Variants in PCNT observed in about 807,000 individuals in gnomAD.
PCNT encodes the protein pericentrin.
In PCNT, 319 loss-of-function variants were observed where a neutral mutation model predicts 380.4. The observed-to-expected ratio is 0.84, with a 90% CI of 0.77 to 0.92. The LOEUF (loss-of-function observed/expected upper bound fraction) is 0.92. Among genes scored for constraint, PCNT ranks in the 40% least tolerant of loss-of-function variants. The pLI is 0.00. For missense variants in PCNT, 4,400 were observed against 4,255.3 expected (o/e 1.03, Z -0.95); for synonymous variants, 1,845 against 1,735.2 (o/e 1.06, Z -1.57).
intron 30 of PCNT, 103 bp downstream of exon 30, chr21:46,416,942 C>A (rs141103259): frequency 8.8e-7 from 1 of 1,135,920 alleles, no homozygotes; most frequent in Non-Finnish European, 1.3e-6. Context: ...ACAGCACACA[C>A]CTCGCAGTGC....
intron 13 of PCNT, among the ~76,000 whole-genome samples, chr21:46,361,947 C>T (rs2084734701): frequency 6.6e-6 from 1 of 152,110 alleles, no homozygotes; most frequent in South Asian, 2.1e-4. Flanking sequence ...GTCACGTTTT[C>T]CTGCTTATTT....
At chr21:46,345,134 CTGAGA>C (rs2146526669) in intron 3 of PCNT, among the ~76,000 whole-genome samples, 1 of 152,316 alleles carries the variant, frequency 6.6e-6, no homozygotes, top group Non-Finnish European at 1.5e-5. Flanking sequence ...CGCCTTTTTC[CTGAGA>C]GCAGGTTGTT....
At chr21:46,326,242 T>G (rs1052798235) in intron 1 of PCNT, 135 bp from the exon 2 acceptor site, 1 of 743,040 alleles carries the variant, frequency 1.3e-6, no homozygotes, top group Non-Finnish European at 2.4e-6. Flanking sequence ...GAGAGCCATC[T>G]GTTGGCCAGG....
In PCNT at chr21:46,432,186, A is replaced by G. The variant is rs2087796206; in HGVS notation, c.8722A>G (p.Arg2908Gly). 6.2e-7 allele frequency: 1 copy of G among 1,612,246 alleles called. No individual in the cohort carries two copies. Among genetic ancestry groups the G allele is most frequent in the South Asian group, 1.1e-5 (1 of 90,996 alleles). The change falls in exon 38 of 47, where the codon AGG becomes GGG. Residue 2908 changes from arginine to glycine, a missense_variant. Transcript: ENST00000359568. ...GAGCCCAGCGGCTGCGGAGCAGTGGAGGAAGTGGCAGAGAGACAAGGAGAA... is the reference window on the plus strand; with the variant it reads ...GAGCCCAGCGGCTGCGGAGCAGTGGGGGAAGTGGCAGAGAGACAAGGAGAA... Reference protein sequence around the residue: ...RQSPAAAEQWRKWQRDKEKLR... With the variant: ...RQSPAAAEQWGKWQRDKEKLR...
chr21:46,390,370 C>T (rs557639889), intron 19 of PCNT, among the ~76,000 whole-genome samples: 1 of 152,344 alleles, frequency 6.6e-6, no homozygotes, highest in South Asian at 2.1e-4. Flanking sequence ...AACTCTGGGT[C>T]TCAGCCTGTA....
intron 15 of PCNT, among the ~76,000 whole-genome samples, chr21:46,372,866 CT>C (rs1260728285): frequency 6.6e-6 from 1 of 152,224 alleles, no homozygotes; most frequent in Middle Eastern, 3.2e-3. Flanking sequence ...GGTCTGTCTT[CT>C]CTGGAAAAGT....
chr21:46,362,852 G>A (rs529494795), intron 13 of PCNT, among the ~76,000 whole-genome samples: 158 of 151,344 alleles, frequency 1.0e-3, no homozygotes, highest in African/African-American at 3.6e-3. Flanking sequence ...CAGCCTGGGC[G>A]ACAGACCCTG....
intron 1 of PCNT, chr21:46,324,797 C>G: frequency 1.2e-6 from 1 of 834,018 alleles, no homozygotes; most frequent in African/African-American, 1.8e-5. Context: ...GCGGCCGGGG[C>G]CGGGGGCGTG....
chr21:46,440,300 C>G, intron 42 of PCNT, 98 bp downstream of exon 42: 1 of 1,320,982 alleles, frequency 7.6e-7, no homozygotes, highest in Non-Finnish European at 1.1e-6. Flanking sequence ...AGGTTCTCGT[C>G]TGCCGGGTGT....
intron 38 of PCNT, 97 bp from the exon 39 acceptor site, chr21:46,435,807 G>C: frequency 6.9e-7 from 1 of 1,443,114 alleles, no homozygotes; most frequent in Non-Finnish European, 9.7e-7. Context: ...CTCCCAAAGT[G>C]CTAGGATTAC....
chr21:46,413,327 G>C (rs1252668417), intron 29 of PCNT, among the ~76,000 whole-genome samples: 1 of 78,252 alleles, frequency 1.3e-5, no homozygotes, highest in African/African-American at 7.1e-5. Context: ...GCCCACCCGG[G>C]AGAGGCTGGA....
chr21:46,368,879 G>A (rs1215567167), intron 15 of PCNT, among the ~76,000 whole-genome samples: 1 of 152,256 alleles, frequency 6.6e-6, no homozygotes, highest in Non-Finnish European at 1.5e-5. Context: ...CTTGGATAAG[G>A]TGGATACGTT....
At chr21:46,374,502 G>T (rs2085268734) in intron 15 of PCNT, among the ~76,000 whole-genome samples, 1 of 152,056 alleles carries the variant, frequency 6.6e-6, no homozygotes, top group African/African-American at 2.4e-5. Flanking sequence ...TTCTTGTATG[G>T]TGGCCACTCC....
Position 46,347,623 on chromosome 21 carries a change from C to T in PCNT, c.1032+111C>T, listed in dbSNP as rs1036309252. On this transcript the variant is annotated intron_variant, in intron 6 of 46. Coordinates refer to ENST00000359568, the MANE Select transcript of PCNT (RefSeq NM_006031.6). ...TGATTCAGACAGAAGCCAGTCGAGG[C>T]TTTATTAGAATATGCTGGTTGAAAG... 4 of 969,680 alleles carry T rather than the reference C, an allele frequency of 4.1e-6. No individual in the cohort carries two copies. In the African/African-American group the frequency reaches 6.4e-5, roughly 16 times the overall value. The allele number at this position is 969,680 out of a possible 1,614,324, so 60.1% of individuals were successfully genotyped here. A position where few individuals can be genotyped will look rare whatever the true frequency, so the allele number is the denominator to read the frequency against.
At chr21:46,435,635 C>T (rs562747690) in intron 38 of PCNT, among the ~76,000 whole-genome samples, 6 of 151,240 alleles carry the variant, frequency 4.0e-5, no homozygotes, top group Non-Finnish European at 4.4e-5. Context: ...CTCTGCCTCC[C>T]GGGTTCACGC....
At chr21:46,345,366 C>T (rs902932886) in intron 3 of PCNT, among the ~76,000 whole-genome samples, 10 of 152,058 alleles carry the variant, frequency 6.6e-5, no homozygotes, top group South Asian at 2.1e-4. Flanking sequence ...TACAGGTGCC[C>T]GCCACCACGC....
intron 3 of PCNT, among the ~76,000 whole-genome samples, chr21:46,336,866 CAG>C (rs1351737953): frequency 1.4e-5 from 2 of 143,462 alleles, no homozygotes. Context: ...TCCAGCACCA[CAG>C]AGTTCATTCT....
chr21:46,366,612 G>A lies in PCNT; in HGVS notation c.2638G>A (p.Glu880Lys), dbSNP rs779642402. The change falls in exon 15 of 47, where the codon GAG becomes AAG. Residue 880 changes from glutamate (E) to lysine (K), a missense_variant. By Grantham distance (56) the Glu-to-Lys change is moderately conservative (BLOSUM62 1). Transcript: ENST00000359568. ...TTTAGAGGAACGTAAAGAGATCACC[G>A]AGAAATTCAGTGCGGAACAAGATGC... ...RFLEERKEIT[E>K]KFSAEQDAFL... is the part of the protein sequence containing the mutation. 1.5e-5 allele frequency: 24 copies of A among 1,613,954 alleles called. No individual in the cohort carries two copies. In the African/African-American group the frequency reaches 2.1e-4, roughly 14 times the overall value.
At chr21:46,424,648 AAG>A (rs1339405606) in intron 32 of PCNT, among the ~76,000 whole-genome samples, 1 of 152,182 alleles carries the variant, frequency 6.6e-6, no homozygotes, top group Non-Finnish European at 1.5e-5. Flanking sequence ...CTGCAGCTGG[AAG>A]AGAGGGGCCA....
Sources: gnomAD v4.1 joint callset for allele counts (sites outside exome capture counted in the v4.1 genomes callset) on GRCh38, gnomAD v4.1.1 for gene constraint, MANE v1.5 for transcripts, NCBI Gene and HGNC (gene_info 2026-07-23, HGNC 2026-07-21) for gene names.